POLB: variants seen among roughly 807,000 people sequenced by gnomAD.
POLB encodes the protein DNA polymerase beta.
POLB carries 37 observed loss-of-function variants against 52.7 expected under a neutral mutation model. The ratio of observed to expected loss-of-function variants is 0.70; its 90% CI spans 0.54 to 0.92. The LOEUF is 0.92. POLB is among the 40% of genes least tolerant of loss of function. The pLI, the probability that POLB is intolerant of heterozygous loss-of-function variation, is 0.00. For missense variants in POLB, 313 were observed against 400.8 expected, an observed-to-expected ratio of 0.78 and a Z score of 1.87; for synonymous variants, 138 against 131.3, an observed-to-expected ratio of 1.05 and a Z score of -0.35.
At chr8:42,363,298 G>T (rs1207151156) in intron 11 of POLB, among the ~76,000 whole-genome samples, 1 of 151,748 alleles carries the variant, frequency 6.6e-6, no homozygotes, top group African/African-American at 2.4e-5. Context: ...GGAGGCCGAG[G>T]TCAGCGGATT....
rs1244065528 is a variant in POLB at position 42,371,597 on chromosome 8, A to G, written c.948A>G (p.Glu316=). The part of the protein sequence containing the change: ...VAGEPLPVDS[E]KDIFDYIQWK... ...GAGAACCCCTGCCAGTGGATAGTGA[A>G]AAAGACATCTTTGATTACATCCAGT... The change falls in exon 14 of 14, where the codon GAA becomes GAG. Residue 316 remains glutamate, a synonymous_variant. Transcript: ENST00000265421. 1.2e-6 allele frequency: 2 copies of G among 1,613,238 alleles called. No homozygotes were observed. The highest frequency in any genetic ancestry group is 4.5e-5 in the East Asian group (2 of 44,858).
chr8:42,369,436 C>CT (rs893846710), intron 12 of POLB, 101 bp downstream of exon 12: 7 of 669,328 alleles, frequency 1.0e-5, no homozygotes, highest in Non-Finnish European at 1.3e-5. Flanking sequence ...TATCTAGAGC[C>CT]TTTTTTTACT....
intron 3 of POLB, among the ~76,000 whole-genome samples, chr8:42,345,420 A>G (rs1449101918): frequency 6.6e-6 from 1 of 152,180 alleles, no homozygotes; most frequent in African/African-American, 2.4e-5. Flanking sequence ...CGTGTTCCCC[A>G]GAGAGATCTT....
chr8:42,357,033 A>T, intron 7 of POLB, 136 bp from the exon 8 acceptor site: 1 of 592,520 alleles, frequency 1.7e-6, no homozygotes, highest in Non-Finnish European at 3.0e-6. Context: ...TTGTCATCTC[A>T]GTGAATTCAT....
At chr8:42,367,457 C>T (rs941426741) in intron 11 of POLB, among the ~76,000 whole-genome samples, 1 of 152,088 alleles carries the variant, frequency 6.6e-6, no homozygotes, top group Non-Finnish European at 1.5e-5. Context: ...GTCCGAGCAC[C>T]AAGCCTATGG....
intron 5 of POLB, among the ~76,000 whole-genome samples, chr8:42,351,376 T>C (rs1444929659): frequency 6.6e-6 from 1 of 152,240 alleles, no homozygotes; most frequent in Non-Finnish European, 1.5e-5. Flanking sequence ...CATAGCTTAC[T>C]GAATGATACA....
In POLB at chr8:42,369,300, TGAAAAA is replaced by T; in HGVS notation, c.742_747del (p.Lys248_Glu249del). On this transcript the variant is annotated inframe_deletion, in exon 12 of 14. Coordinates refer to ENST00000265421, the MANE Select transcript of POLB (RefSeq NM_002690.3). ...TTTGCCAGCTTCCCAGTAAAAATGA[TGAAAAA>T]GAATATCCACACAGAAGAATTGATA... is the stretch of plus-strand genomic sequence containing the variant. The T allele has an allele frequency of 2.5e-6, 4 of 1,593,936 alleles. No individual in the cohort carries two copies. Among genetic ancestry groups the T allele is most frequent in the Non-Finnish European group, 3.4e-6 (4 of 1,162,856 alleles).
In POLB at chr8:42,357,231, G is replaced by A. The variant is rs183474550; in HGVS notation, c.477+8G>A. 4.5e-6 allele frequency: 7 copies of A among 1,539,076 alleles called. No homozygotes were observed. The highest frequency in any genetic ancestry group is 3.4e-5 in the Admixed American group (2 of 59,420). On this transcript the variant is annotated splice_region_variant and intron_variant, in intron 8 of 13. Transcript: ENST00000265421. ...GAGATGTTACAAATGCAAGTAAGAT[G>A]TGTCAAATTATATTCTTTGATTAGA...
intron 11 of POLB, among the ~76,000 whole-genome samples, chr8:42,365,286 C>T (rs1467013431): frequency 6.6e-6 from 1 of 152,150 alleles, no homozygotes; most frequent in Admixed American, 6.5e-5. Flanking sequence ...AGGTTCTAGT[C>T]AGTCTTGGAA....
chr8:42,341,779 AG>A (rs1208202498), intron 2 of POLB: 4 of 471,964 alleles, frequency 8.5e-6, no homozygotes, highest in Non-Finnish European at 1.6e-5. Flanking sequence ...AGCTCTCTGC[AG>A]CCCCCTCCTG....
chr8:42,370,056 T>C (rs749091634), intron 13 of POLB, 68 bp downstream of exon 13: 171 of 1,325,824 alleles, frequency 1.3e-4, no homozygotes, highest in Non-Finnish European at 1.7e-4. Context: ...AAAGATACTT[T>C]GGTTTAGCAA....
chr8:42,371,667 C>T lies in POLB; in HGVS notation c.*10C>T. The T allele has an allele frequency of 1.3e-6, 2 of 1,526,524 alleles. No individual in the cohort carries two copies. Among genetic ancestry groups the T allele is most frequent in the East Asian group, 2.3e-5 (1 of 44,444 alleles). 94.6% of individuals were successfully genotyped at this position (1,526,524 alleles called of 1,614,324 possible). On this transcript the variant is annotated 3_prime_UTR_variant, in exon 14 of 14. Transcript: ENST00000265421. ...GGACCGGAGCGAATGAGGCCTGTAT[C>T]CTCCCTGGCAGACACAACCCAATAG... is the stretch of plus-strand genomic sequence containing the variant.
At chr8:42,360,933 T>C (rs935316413) in intron 9 of POLB, among the ~76,000 whole-genome samples, 3 of 152,188 alleles carry the variant, frequency 2.0e-5, no homozygotes, top group Non-Finnish European at 4.4e-5. Context: ...ATTGTTTAAT[T>C]TGAGATTTTT....
intron 11 of POLB, among the ~76,000 whole-genome samples, chr8:42,368,525 C>CAAAACAA (rs1824180649): frequency 6.6e-6 from 1 of 152,028 alleles, no homozygotes; most frequent in Admixed American, 6.6e-5. Flanking sequence ...TTTGGTGGTG[C>CAAAACAA]TTATATCTTG....
At chr8:42,353,874 C>A (rs747330533) in intron 6 of POLB, among the ~76,000 whole-genome samples, 37 of 143,574 alleles carry the variant, frequency 2.6e-4, no homozygotes, top group Non-Finnish European at 4.3e-4. Context: ...TAGCAGAGTG[C>A]TTGGTACCTA....
chr8:42,367,232 T>TC (rs1824095898), intron 11 of POLB, among the ~76,000 whole-genome samples: 1 of 152,182 alleles, frequency 6.6e-6, no homozygotes, highest in African/African-American at 2.4e-5. Flanking sequence ...GACTGATAGT[T>TC]AACAATGAAC....
At chr8:42,359,123 C>G (rs1196287360) in intron 9 of POLB, among the ~76,000 whole-genome samples, 1 of 151,882 alleles carries the variant, frequency 6.6e-6, no homozygotes, top group Non-Finnish European at 1.5e-5. Flanking sequence ...TTCCACAGTC[C>G]CTATGCACTC....
chr8:42,358,229 G>A (rs988634245), intron 9 of POLB, among the ~76,000 whole-genome samples: 4 of 152,004 alleles, frequency 2.6e-5, no homozygotes, highest in African/African-American at 7.2e-5. Context: ...TTGGCCAGGC[G>A]CGGTGGCTCA....
At chr8:42,370,259 GTTT>G (rs34271342) in intron 13 of POLB, 10,140 of 283,190 alleles carry the variant, frequency 0.036, no homozygotes, top group Non-Finnish European at 0.043. Context: ...ATCTAAAAGG[GTTT>G]TTTTTTTTTT....
Sources: allele counts gnomAD v4.1 joint callset (sites outside exome capture counted in the v4.1 genomes callset), GRCh38; gene constraint gnomAD v4.1.1; transcripts MANE v1.5; gene names NCBI Gene and HGNC (gene_info 2026-07-23, HGNC 2026-07-21).